The following TENM2 variants were observed in gnomAD, a reference collection of about 807,000 sequenced individuals.
The protein encoded by TENM2 is teneurin transmembrane protein 2, also known as teneurin-2.
A neutral mutation model predicts 245.2 loss-of-function variants in TENM2; 52 were observed. The observed-to-expected ratio is 0.21, with a 90% CI of 0.17 to 0.27. TENM2 has a LOEUF of 0.27. Among genes scored for constraint, TENM2 ranks in the 10% least tolerant of loss-of-function variants. The probability of loss-of-function intolerance (pLI) is 1.00; values close to 1 mark genes in which losing one functional copy is unlikely to be tolerated. For synonymous variants in TENM2, 1,363 were observed against 1,438.9 expected (o/e 0.95, Z 1.19); for missense variants, 3,046 against 3,666.8 (o/e 0.83, Z 4.37).
At chr5:167,334,343 A>C (rs527329941) in intron 1 of TENM2, among the ~76,000 whole-genome samples, 1 of 152,232 alleles carries the variant, frequency 6.6e-6, no homozygotes. Flanking sequence ...AATGACAGTA[A>C]AATTTTCTTA....
At chr5:168,021,296 A>G (rs1786119751) in intron 5 of TENM2, among the ~76,000 whole-genome samples, 1 of 152,230 alleles carries the variant, frequency 6.6e-6, no homozygotes, top group Non-Finnish European at 1.5e-5. Context: ...TTCAGCTTGT[A>G]ATTAAAAACA....
intron 2 of TENM2, among the ~76,000 whole-genome samples, chr5:167,570,468 G>A (rs1774197403): frequency 2.0e-5 from 3 of 152,084 alleles, no homozygotes; most frequent in South Asian, 2.1e-4. Flanking sequence ...CAATGAACAA[G>A]GCACTAATAG....
chr5:167,150,840 T>C, the TENM2 span, among the ~76,000 whole-genome samples: 2 of 152,230 alleles, frequency 1.3e-5, no homozygotes, highest in Admixed American at 6.5e-5. Context: ...TTATGTTCAA[T>C]ATAATAAGCC....
At chr5:168,225,761 C>CA (rs567948197) in intron 23 of TENM2, among the ~76,000 whole-genome samples, 1,057 of 56,532 alleles carry the variant, frequency 0.019, 7 homozygotes, top group Middle Eastern at 0.04. Flanking sequence ...TCCATCATCT[C>CA]AAAAAAAAAA....
chr5:167,774,199 AGGAAGGGAGGGAGGG>A (rs1763593565), intron 2 of TENM2, among the ~76,000 whole-genome samples: 4 of 107,206 alleles, frequency 3.7e-5, no homozygotes, highest in Non-Finnish European at 7.6e-5. Flanking sequence ...GGAGGGAAGG[AGGAAGGGAGGGAGGG>A]AGGAAGGAAG....
chr5:167,074,445 A>C, the TENM2 span, among the ~76,000 whole-genome samples: 1 of 152,226 alleles, frequency 6.6e-6, no homozygotes, highest in Admixed American at 6.5e-5. Flanking sequence ...TCATAATACA[A>C]TGATCAGCCT....
chr5:167,572,403 A>G (rs1051988955), intron 2 of TENM2, among the ~76,000 whole-genome samples: 3 of 152,094 alleles, frequency 2.0e-5, no homozygotes, highest in Admixed American at 6.6e-5. Context: ...TCTATTTTTT[A>G]TGTTTCTAAA....
chr5:168,020,617 C>T (rs1786057674), intron 5 of TENM2, among the ~76,000 whole-genome samples: 1 of 152,152 alleles, frequency 6.6e-6, no homozygotes, highest in Admixed American at 6.5e-5. Context: ...GCGTCTTCAC[C>T]TTGGGGAGTG....
Position 167,949,603 on chromosome 5 carries a change from C to T in TENM2, c.713-2985C>T, listed in dbSNP as rs189428654. ...TCTCTAACTTTCACAGCAACCTTAG[C>T]GGGTAGTTACTGCTGTTTTCACCAG... On this transcript the variant is annotated intron_variant, in intron 3 of 28. Coordinates refer to ENST00000518659, the Ensembl canonical transcript of TENM2. Among the ~76,000 whole-genome samples the T allele has an allele frequency of 9.4e-4, 143 of 152,208 alleles. 1 individual carries two copies. The highest frequency in any genetic ancestry group is 3.4e-3 in the Middle Eastern group (1 of 294).
chr5:167,689,811 G>C (rs970859055), intron 2 of TENM2, among the ~76,000 whole-genome samples: 3 of 151,902 alleles, frequency 2.0e-5, no homozygotes, highest in African/African-American at 7.3e-5. Context: ...TCCCAGGCTG[G>C]AGTGCAATGG....
At chr5:167,476,499 C>T (rs1306792524) in intron 2 of TENM2, among the ~76,000 whole-genome samples, 1 of 152,168 alleles carries the variant, frequency 6.6e-6, no homozygotes, top group Non-Finnish European at 1.5e-5. Flanking sequence ...AACTATTGTG[C>T]TCATGATGGC....
intron 2 of TENM2, among the ~76,000 whole-genome samples, chr5:167,428,672 T>C (rs1764028172): frequency 6.6e-6 from 1 of 152,230 alleles, no homozygotes; most frequent in African/African-American, 2.4e-5. Context: ...TATTTGATCT[T>C]ATCTTAAAAT....
intron 2 of TENM2, among the ~76,000 whole-genome samples, chr5:167,869,656 C>T (rs1040211738): frequency 3.9e-5 from 6 of 152,224 alleles, no homozygotes; most frequent in Admixed American, 3.3e-4. Context: ...AGCTTCTGCA[C>T]TAGCAGGCCT....
At chr5:167,757,675 C>T (rs2150687079) in intron 2 of TENM2, among the ~76,000 whole-genome samples, 1 of 152,228 alleles carries the variant, frequency 6.6e-6, no homozygotes, top group Non-Finnish European at 1.5e-5. Flanking sequence ...ACACTGTCTT[C>T]CACAATGGTT....
chr5:167,167,489 T>A, the TENM2 span, among the ~76,000 whole-genome samples: 1 of 152,144 alleles, frequency 6.6e-6, no homozygotes, highest in African/African-American at 2.4e-5. Context: ...TCCCAAGCGT[T>A]TCCACATTCT....
chr5:167,016,281 C>A, the TENM2 span, among the ~76,000 whole-genome samples: 671 of 78,676 alleles, frequency 8.5e-3, 4 homozygotes, highest in African/African-American at 0.01. Flanking sequence ...AACAAACAAA[C>A]AAAAAAAAAA....
At chr5:167,394,381 TTTC>T (rs1220149585) in intron 2 of TENM2, among the ~76,000 whole-genome samples, 1 of 152,164 alleles carries the variant, frequency 6.6e-6, no homozygotes, top group African/African-American at 2.4e-5. Flanking sequence ...GAGACTATCC[TTTC>T]TTCTTTTTGT....
chr5:168,194,722 C>T (rs149327178), intron 14 of TENM2, among the ~76,000 whole-genome samples: 8 of 152,088 alleles, frequency 5.3e-5, no homozygotes, highest in Non-Finnish European at 2.9e-5. Flanking sequence ...CCATAAAACT[C>T]TCTGTGCTCC....
At chr5:167,064,685 G>A in the TENM2 span, among the ~76,000 whole-genome samples, 2 of 152,150 alleles carry the variant, frequency 1.3e-5, no homozygotes. Context: ...CATCGAGGTA[G>A]TACCTTGCTA....
Sources: gnomAD v4.1 joint callset for allele counts (sites outside exome capture counted in the v4.1 genomes callset) on GRCh38, gnomAD v4.1.1 for gene constraint, MANE v1.5 for transcripts, NCBI Gene and HGNC (gene_info 2026-07-23, HGNC 2026-07-21) for gene names.